The following NDUFA10 variants were observed in gnomAD, a reference collection of about 807,000 sequenced individuals.
The protein encoded by NDUFA10 is NADH:ubiquinone oxidoreductase subunit A10, also known as NADH dehydrogenase [ubiquinone] 1 alpha subcomplex subunit 10, mitochondrial.
NDUFA10 carries 40 observed loss-of-function variants against 47.8 expected under a neutral mutation model. The observed-to-expected ratio is 0.84, with a 90% CI of 0.65 to 1.09. The LOEUF is 1.09. Among genes scored for constraint, NDUFA10 ranks in the 50% least tolerant of loss-of-function variants. The pLI, the probability that NDUFA10 is intolerant of heterozygous loss-of-function variation, is 0.00. For missense variants in NDUFA10, 413 were observed against 451.1 expected (o/e 0.92, Z 0.76); for synonymous variants, 183 against 172.2 (o/e 1.06, Z -0.49).
At chr2:239,944,230 G>A (rs1285212886) in intron 4 of NDUFA10, among the ~76,000 whole-genome samples, 4 of 152,236 alleles carry the variant, frequency 2.6e-5, no homozygotes, top group East Asian at 3.8e-4. Context: ...TGCCAGAAAG[G>A]ACCTGGGGCC....
At chr2:240,003,024 A>AT (rs890279421) in intron 8 of NDUFA10, among the ~76,000 whole-genome samples, 2 of 152,016 alleles carry the variant, frequency 1.3e-5, no homozygotes, top group African/African-American at 4.8e-5. Context: ...TAATTTTTAA[A>AT]TTTTTTGTAG....
chr2:239,907,912 A>C (rs553745232), intron 4 of NDUFA10, among the ~76,000 whole-genome samples: 2,219 of 152,034 alleles, frequency 0.015, 65 homozygotes, highest in African/African-American at 0.051. Context: ...TACCCAAAGG[A>C]ATATAAATCG....
intron 3 of NDUFA10, among the ~76,000 whole-genome samples, chr2:240,019,077 A>C (rs1368158649): frequency 1.3e-5 from 2 of 152,088 alleles, no homozygotes; most frequent in African/African-American, 2.4e-5. Flanking sequence ...TGCAGCTCAG[A>C]GCACTAGTCC....
At chr2:239,920,037 G>T (rs1693942187) in intron 4 of NDUFA10, among the ~76,000 whole-genome samples, 1 of 152,138 alleles carries the variant, frequency 6.6e-6, no homozygotes, top group Non-Finnish European at 1.5e-5. Context: ...CTGCTCCCAG[G>T]GTGCTTCCCC....
chr2:239,959,863 G>T lies in NDUFA10; in HGVS notation c.*1255C>A. ...AGGGAAGGAAGGGGAGAGGGAAAAA[G>T]GCAGGCGGACGCAAGGAGGGAAGGA... On this transcript the variant is annotated 3_prime_UTR_variant, in exon 10 of 10. Transcript: ENST00000252711. 1.0e-6 allele frequency: 1 copy of T among 983,036 alleles called. No individual in the cohort carries two copies. Among genetic ancestry groups the T allele is most frequent in the Non-Finnish European group, 1.2e-6 (1 of 827,726 alleles). The allele number at this position is 983,036 out of a possible 1,614,324, so 60.9% of individuals were successfully genotyped here.
chr2:239,899,052 AG>A (rs1331959270), intron 4 of NDUFA10, among the ~76,000 whole-genome samples: 7 of 41,484 alleles, frequency 1.7e-4, no homozygotes, highest in Non-Finnish European at 4.0e-4. Context: ...GGTGTGATGG[AG>A]GAGTGTGATG....
intron 4 of NDUFA10, among the ~76,000 whole-genome samples, chr2:239,910,357 C>A (rs1257993428): frequency 1.3e-5 from 2 of 152,166 alleles, no homozygotes; most frequent in Non-Finnish European, 2.9e-5. Context: ...AAATGTGGCA[C>A]ATATACACCA....
At chr2:239,931,241 G>T (rs530504960) in intron 4 of NDUFA10, among the ~76,000 whole-genome samples, 2 of 152,240 alleles carry the variant, frequency 1.3e-5, no homozygotes, top group South Asian at 4.1e-4. Flanking sequence ...GTGTCTGCAG[G>T]GCTGCAGGAA....
rs543135366 is a variant in NDUFA10 at position 240,018,278 on chromosome 2, T to C, written c.547+275A>G. 4 of 830,064 alleles carry C rather than the reference T, an allele frequency of 4.8e-6. No individual in the cohort carries two copies. The Admixed American group carries it at 9.8e-5, about 20-fold the overall frequency. The allele number at this position is 830,064 out of a possible 1,614,324, so 51.4% of individuals were successfully genotyped here. A position where few individuals can be genotyped will look rare whatever the true frequency, so the allele number is the denominator to read the frequency against. ...CGGGGGAGGTTCTAACGGGAGGCTGTGGGGGCTGCACTTTAAGCTGCGTGT... is the reference window on the plus strand; with the variant it reads ...CGGGGGAGGTTCTAACGGGAGGCTGCGGGGGCTGCACTTTAAGCTGCGTGT... On this transcript the variant is annotated intron_variant, in intron 4 of 9. Coordinates refer to ENST00000252711, the MANE Select transcript of NDUFA10 (RefSeq NM_004544.4).
chr2:239,984,715 A>C lies in NDUFA10; in HGVS notation c.999+5359T>G, dbSNP rs181634954. Among the ~76,000 whole-genome samples the C allele has an allele frequency of 2.0e-5, 3 of 152,350 alleles. No individual in the cohort carries two copies. The East Asian group carries it at 5.8e-4, about 29-fold the overall frequency. ...CTACAAAGGCAACATCAGGCTGTAA[A>C]GGCAACAGGGCAGGGAGGGCCCTGG... On this transcript the variant is annotated intron_variant, in intron 9 of 9. Coordinates refer to ENST00000252711, the MANE Select transcript of NDUFA10 (RefSeq NM_004544.4).
chr2:239,929,791 C>T (rs1023172474), intron 4 of NDUFA10, among the ~76,000 whole-genome samples: 32 of 147,874 alleles, frequency 2.2e-4, no homozygotes, highest in Non-Finnish European at 4.6e-4. Context: ...ACCAGCCCTG[C>T]TCCTCCACTG....
Position 239,958,066 on chromosome 2 carries a change from C to T in NDUFA10, c.*3052G>A, listed in dbSNP as rs1003876097. 3.3e-5 allele frequency: 5 copies of T among 152,194 alleles called. No homozygotes were observed. Among genetic ancestry groups the T allele is most frequent in the Admixed American group, 6.5e-5 (1 of 15,274 alleles). The allele number at this position is 152,194 out of a possible 1,614,324, so 9.4% of individuals were successfully genotyped here. A position where few individuals can be genotyped will look rare whatever the true frequency, so the allele number is the denominator to read the frequency against. The stretch of plus-strand genomic sequence containing the variant: ...TCAGGCTCCCGGCTTCTATTTATAT[C>T]CACATGTAAAGCCCCAGATCACTCG... On this transcript the variant is annotated 3_prime_UTR_variant, in exon 10 of 10. Coordinates refer to ENST00000252711, the MANE Select transcript of NDUFA10 (RefSeq NM_004544.4).
At chr2:239,940,372 C>T (rs1266000644) in intron 4 of NDUFA10, among the ~76,000 whole-genome samples, 1 of 152,186 alleles carries the variant, frequency 6.6e-6, no homozygotes, top group Non-Finnish European at 1.5e-5. Flanking sequence ...ATTGCTTTGG[C>T]CCACTAATGA....
At chr2:239,953,940 T>TGCTGG (rs1480996193), downstream of NDUFA10, among the ~76,000 whole-genome samples, 5 of 151,992 alleles carry the variant, frequency 3.3e-5, no homozygotes, top group African/African-American at 1.2e-4. Context: ...GGGTTCCACC[T>TGCTGG]GCTGGGCTGG....
chr2:239,984,214 T>C (rs551992007), intron 9 of NDUFA10, among the ~76,000 whole-genome samples: 273 of 146,812 alleles, frequency 1.9e-3, no homozygotes, highest in Non-Finnish European at 2.9e-3. Context: ...GCCTGGGCGA[T>C]AGAGTGACAA....
chr2:239,978,371 C>T (rs1334802781), intron 9 of NDUFA10, among the ~76,000 whole-genome samples: 6 of 152,184 alleles, frequency 3.9e-5, no homozygotes, highest in Non-Finnish European at 1.5e-5. Flanking sequence ...ACCTTCACCA[C>T]CCCTGACCTT....
chr2:240,024,004 CAGAGCAACAAGG>C (rs1450757225), intron 1 of NDUFA10, among the ~76,000 whole-genome samples: 6 of 152,228 alleles, frequency 3.9e-5, no homozygotes, highest in Non-Finnish European at 8.8e-5. Context: ...GGCGAGCACG[CAGAGCAACAAGG>C]AGAGCCTTCA....
At chr2:240,017,829 C>T (rs1321529530) in intron 4 of NDUFA10, 2 of 1,562,114 alleles carry the variant, frequency 1.3e-6, no homozygotes, top group Non-Finnish European at 1.7e-6. Context: ...CTTGCTTCGG[C>T]CTCCTCTTTC....
intron 9 of NDUFA10, among the ~76,000 whole-genome samples, chr2:239,979,440 G>A (rs951293307): frequency 1.3e-5 from 2 of 152,118 alleles, no homozygotes; most frequent in African/African-American, 4.8e-5. Context: ...CAGGCCCTCA[G>A]CAGCCCGCTC....
Sources: gnomAD v4.1 joint callset for allele counts (sites outside exome capture counted in the v4.1 genomes callset) on GRCh38, gnomAD v4.1.1 for gene constraint, MANE v1.5 for transcripts, NCBI Gene and HGNC (gene_info 2026-07-23, HGNC 2026-07-21) for gene names.